NOVA1: variants seen among roughly 807,000 people sequenced by gnomAD.
NOVA1 encodes NOVA alternative splicing regulator 1, also known as RNA-binding protein Nova-1.
NOVA1 carries 7 observed loss-of-function variants against 38.0 expected under a neutral mutation model. The observed-to-expected ratio is 0.18, with a 90% CI of 0.10 to 0.35. The LOEUF is 0.35. NOVA1 is among the 10% of genes least tolerant of loss of function. NOVA1 has a pLI of 1.00. For synonymous variants in NOVA1, 270 were observed against 232.5 expected, an observed-to-expected ratio of 1.16 and a Z score of -1.47; for missense variants, 460 against 616.0, an observed-to-expected ratio of 0.75 and a Z score of 2.68.
At chr14:26,578,962 G>A (rs1893034633) in intron 2 of NOVA1, among the ~76,000 whole-genome samples, 1 of 149,892 alleles carries the variant, frequency 6.7e-6, no homozygotes. Flanking sequence ...TTACCATAAA[G>A]ATGAAGTCTA....
At chr14:26,553,300 A>G (rs1282690543) in intron 2 of NOVA1, among the ~76,000 whole-genome samples, 1 of 152,192 alleles carries the variant, frequency 6.6e-6, no homozygotes, top group African/African-American at 2.4e-5. Flanking sequence ...TCCATAACTT[A>G]AACATCTTTA....
At chr14:26,516,900 T>C (rs918481904) in intron 2 of NOVA1, among the ~76,000 whole-genome samples, 2 of 123,096 alleles carry the variant, frequency 1.6e-5, no homozygotes, top group African/African-American at 6.0e-5. Context: ...CTCTCTGACT[T>C]TGCCTCTTTT....
At chr14:26,514,252 T>C (rs1888301213) in intron 2 of NOVA1, among the ~76,000 whole-genome samples, 1 of 151,754 alleles carries the variant, frequency 6.6e-6, no homozygotes, top group Non-Finnish European at 1.5e-5. Flanking sequence ...TATCTTGTCA[T>C]TTTTAAAAAA....
chr14:26,581,249 C>T (rs1165500164), intron 2 of NOVA1, among the ~76,000 whole-genome samples: 2 of 152,032 alleles, frequency 1.3e-5, no homozygotes, highest in Non-Finnish European at 2.9e-5. Context: ...GTGATAATTG[C>T]TTAATAAACT....
At chr14:26,511,920 T>C (rs1011001084) in intron 2 of NOVA1, among the ~76,000 whole-genome samples, 6 of 152,166 alleles carry the variant, frequency 3.9e-5, no homozygotes, top group African/African-American at 1.4e-4. Flanking sequence ...AAAGTGTTTA[T>C]TGACCCTCTG....
chr14:26,493,391 A>C (rs1271815078), intron 2 of NOVA1, among the ~76,000 whole-genome samples: 2 of 152,188 alleles, frequency 1.3e-5, no homozygotes, highest in Non-Finnish European at 2.9e-5. Flanking sequence ...TATTTCTGTT[A>C]ATTCCAATTC....
At chr14:26,465,681 T>A (rs1884053659) in intron 4 of NOVA1, among the ~76,000 whole-genome samples, 1 of 151,814 alleles carries the variant, frequency 6.6e-6, no homozygotes, top group South Asian at 2.1e-4. Context: ...ATGCAAAATT[T>A]CATTTCAAAT....
chr14:26,531,039 C>T (rs1349806836), intron 2 of NOVA1, among the ~76,000 whole-genome samples: 2 of 152,226 alleles, frequency 1.3e-5, no homozygotes, highest in East Asian at 3.9e-4. Flanking sequence ...AAACCCACTA[C>T]TAATAGGAAA....
chr14:26,487,122 A>T (rs1274774338), intron 2 of NOVA1, among the ~76,000 whole-genome samples: 1 of 152,186 alleles, frequency 6.6e-6, no homozygotes, highest in Non-Finnish European at 1.5e-5. Context: ...ATAATGAGTC[A>T]GCAAAAGCTC....
At chr14:26,455,245 C>G (rs1313162892) in intron 4 of NOVA1, among the ~76,000 whole-genome samples, 2 of 152,100 alleles carry the variant, frequency 1.3e-5, no homozygotes, top group Admixed American at 1.3e-4. Context: ...GATTTTAAAC[C>G]TAGGAGCTAT....
intron 2 of NOVA1, among the ~76,000 whole-genome samples, chr14:26,542,167 G>A (rs1159927081): frequency 6.6e-6 from 1 of 151,758 alleles, no homozygotes; most frequent in Non-Finnish European, 1.5e-5. Flanking sequence ...AAAGATCACT[G>A]GGCTATTATA....
chr14:26,470,049 G>T, intron 4 of NOVA1: 1 of 387,258 alleles, frequency 2.6e-6, no homozygotes, highest in Non-Finnish European at 3.7e-6. Context: ...ACTGAAACAT[G>T]TCATCATTTT....
At chr14:26,597,078 T>C in intron 1 of NOVA1, 1 of 1,229,564 alleles carries the variant, frequency 8.1e-7, no homozygotes. Flanking sequence ...GCCATTTTGA[T>C]GAATGATAAA....
At chr14:26,536,847 T>C (rs58565890) in intron 2 of NOVA1, among the ~76,000 whole-genome samples, 2,068 of 152,224 alleles carry the variant, frequency 0.014, 50 homozygotes, top group African/African-American at 0.048. Context: ...TGGAGAGGAA[T>C]GGGCCAAGTT....
intron 1 of NOVA1, chr14:26,595,947 A>G (rs1287240923): frequency 7.5e-6 from 3 of 400,088 alleles, no homozygotes; most frequent in Non-Finnish European, 4.9e-6. Flanking sequence ...TTCACTTAAC[A>G]TATTAAAAAA....
At chr14:26,451,799 C>T (rs953249757) in intron 4 of NOVA1, among the ~76,000 whole-genome samples, 1 of 152,056 alleles carries the variant, frequency 6.6e-6, no homozygotes, top group Non-Finnish European at 1.5e-5. Flanking sequence ...ATTAAAGGTG[C>T]TTTTATGTAG....
At position 26,597,843 on chromosome 14, in the gene NOVA1, C is replaced by A; in HGVS notation, c.-407G>T. The stretch of plus-strand genomic sequence containing the variant: ...AGGGCTGGCGGGGCGCGGGGAGAAG[C>A]CGAGGAGGAGGGGAGAGTGAGGGAA... On this transcript the variant is annotated 5_prime_UTR_variant, in exon 1 of 5. Transcript: ENST00000539517. 5.3e-6 allele frequency: 1 copy of A among 190,212 alleles called. No individual in the cohort carries two copies. Among genetic ancestry groups the A allele is most frequent in the Non-Finnish European group, 9.5e-6 (1 of 104,838 alleles). The allele number at this position is 190,212 out of a possible 1,614,324, so 11.8% of individuals were successfully genotyped here. A position where few individuals can be genotyped will look rare whatever the true frequency, so the allele number is the denominator to read the frequency against.
At chr14:26,531,968 A>G (rs1889748576) in intron 2 of NOVA1, among the ~76,000 whole-genome samples, 1 of 152,210 alleles carries the variant, frequency 6.6e-6, no homozygotes, top group South Asian at 2.1e-4. Flanking sequence ...AAACCCACTA[A>G]GAAAACAAAA....
At chr14:26,461,293 A>C (rs1367859576) in intron 4 of NOVA1, among the ~76,000 whole-genome samples, 1 of 152,190 alleles carries the variant, frequency 6.6e-6, no homozygotes, top group East Asian at 1.9e-4. Flanking sequence ...TTAAAGTCTT[A>C]GGCGTTTCAT....
Sources: allele counts gnomAD v4.1 joint callset (sites outside exome capture counted in the v4.1 genomes callset), GRCh38; gene constraint gnomAD v4.1.1; transcripts MANE v1.5; gene names NCBI Gene and HGNC (gene_info 2026-07-23, HGNC 2026-07-21).